MTUS1: variants seen among roughly 807,000 people sequenced by gnomAD.
MTUS1 encodes the protein microtubule associated scaffold protein 1.
MTUS1 carries 109 observed loss-of-function variants against 120.8 expected under a neutral mutation model. The observed-to-expected ratio is 0.90, with a 90% CI of 0.77 to 1.06. MTUS1 has a LOEUF of 1.06. MTUS1 is among the 50% of genes least tolerant of loss of function. The probability of loss-of-function intolerance (pLI) is 0.00; values close to 1 mark genes in which losing one functional copy is unlikely to be tolerated. For missense variants in MTUS1, 2,210 were observed against 1,486.3 expected, an observed-to-expected ratio of 1.49 and a Z score of -8.01; for synonymous variants, 737 against 550.5, an observed-to-expected ratio of 1.34 and a Z score of -4.74.
At chr8:17,676,262 C>A (rs1373453939) in intron 7 of MTUS1, 8 of 702,912 alleles carry the variant, frequency 1.1e-5, no homozygotes, top group Admixed American at 2.0e-5. Flanking sequence ...GCACTATAAA[C>A]AAATACTAAT....
At chr8:17,696,844 G>A (rs1403304982) in intron 6 of MTUS1, among the ~76,000 whole-genome samples, 3 of 152,198 alleles carry the variant, frequency 2.0e-5, no homozygotes, top group Non-Finnish European at 4.4e-5. Context: ...AAATCTGACT[G>A]AGAAACTATC....
At chr8:17,694,056 G>C (rs1817483337) in intron 6 of MTUS1, among the ~76,000 whole-genome samples, 1 of 152,190 alleles carries the variant, frequency 6.6e-6, no homozygotes, top group South Asian at 2.1e-4. Context: ...ATACAAAAGT[G>C]TTCATATTTG....
At chr8:17,780,020 G>A (rs2050749889) in intron 1 of MTUS1, among the ~76,000 whole-genome samples, 1 of 152,154 alleles carries the variant, frequency 6.6e-6, no homozygotes, top group South Asian at 2.1e-4. Flanking sequence ...ATCCCCAGTG[G>A]TTGAGGTGGG....
chr8:17,680,906 G>A (rs1380560278), intron 7 of MTUS1, among the ~76,000 whole-genome samples: 1 of 151,912 alleles, frequency 6.6e-6, no homozygotes, highest in African/African-American at 2.4e-5. Flanking sequence ...GGAATACAAG[G>A]TGGACTTGTG....
chr8:17,645,742 G>T lies in MTUS1; in HGVS notation c.*184C>A. 2 of 685,706 alleles carry T rather than the reference G, an allele frequency of 2.9e-6. No individual in the cohort carries two copies. The highest frequency in any genetic ancestry group is 4.4e-6 in the Non-Finnish European group (2 of 455,030). The allele number at this position is 685,706 out of a possible 1,614,324, so 42.5% of individuals were successfully genotyped here. ...TTTTGGAGGAATCTTTTGGACGGAG[G>T]CAAAAGTCTTCCTCCAGAGTTCCAG... is the stretch of plus-strand genomic sequence containing the variant. On this transcript the variant is annotated 3_prime_UTR_variant, in exon 15 of 15. Transcript: ENST00000693296.
chr8:17,728,809 T>C (rs1477332457), intron 3 of MTUS1, among the ~76,000 whole-genome samples: 1 of 152,116 alleles, frequency 6.6e-6, no homozygotes, highest in Non-Finnish European at 1.5e-5. Flanking sequence ...GTGAGGCTTT[T>C]TTAGCATTTA....
chr8:17,771,129 T>C lies in MTUS1; in HGVS notation c.-154-15168A>G, dbSNP rs1159944040. ...CTAATTACCTATACCAATAAGTTCT[T>C]AGGAGTGTTATATCCTTTAAACTTA... On this transcript the variant is annotated intron_variant, in intron 1 of 14. Coordinates refer to ENST00000693296, the MANE Select transcript of MTUS1 (RefSeq NM_001363059.2). Among the ~76,000 whole-genome samples the C allele has an allele frequency of 3.3e-5, 5 of 152,310 alleles. No individual in the cohort carries two copies. The East Asian group carries it at 9.6e-4, about 29-fold the overall frequency.
At chr8:17,690,536 T>C (rs891886960) in intron 6 of MTUS1, among the ~76,000 whole-genome samples, 5 of 152,214 alleles carry the variant, frequency 3.3e-5, no homozygotes, top group African/African-American at 2.4e-5. Context: ...CTGCTGGGTA[T>C]CTTCCCAAAG....
intron 1 of MTUS1, among the ~76,000 whole-genome samples, chr8:17,783,967 A>G (rs1333317405): frequency 6.6e-6 from 1 of 152,188 alleles, no homozygotes; most frequent in African/African-American, 2.4e-5. Context: ...TTTCCACTGA[A>G]AGATGGCAGA....
rs570722288 is a variant in MTUS1 at position 17,664,444 on chromosome 8, G to A, written c.2906-8379C>T. Among the ~76,000 whole-genome samples the A allele has an allele frequency of 7.9e-5, 12 of 151,652 alleles. No individual in the cohort carries two copies. In the South Asian group the frequency reaches 2.1e-3, roughly 27 times the overall value. ...CTCTGGCCAGCCTGCTGTGGGTGGC[G>A]ACTCTCCCCCACCCCACCCCGAAAT... On this transcript the variant is annotated intron_variant, in intron 8 of 14. Coordinates refer to ENST00000693296, the MANE Select transcript of MTUS1 (RefSeq NM_001363059.2).
At chr8:17,720,874 T>TATCCAAAAGTGTAATATC (rs1200916980) in intron 4 of MTUS1, among the ~76,000 whole-genome samples, 22 of 152,206 alleles carry the variant, frequency 1.4e-4, no homozygotes, top group Admixed American at 3.9e-4. Context: ...TCCAAAAGGA[T>TATCCAAAAGTGTAATATC]CAAGATCGTA....
intron 1 of MTUS1, among the ~76,000 whole-genome samples, chr8:17,766,223 T>C (rs1330330958): frequency 3.3e-5 from 5 of 152,176 alleles, no homozygotes; most frequent in Non-Finnish European, 7.4e-5. Flanking sequence ...TCAGTATCCA[T>C]GCAATTTTAA....
chr8:17,768,440 G>C (rs74356381), intron 1 of MTUS1, among the ~76,000 whole-genome samples: 2,154 of 152,082 alleles, frequency 0.014, 58 homozygotes, highest in African/African-American at 0.049. Context: ...AAACTAATTT[G>C]CTTCTTTCTA....
At chr8:17,648,848 G>C (rs369960714) in intron 13 of MTUS1, among the ~76,000 whole-genome samples, 1 of 152,210 alleles carries the variant, frequency 6.6e-6, no homozygotes, top group Non-Finnish European at 1.5e-5. Flanking sequence ...GCGGCAGCTG[G>C]ACAGTCAACA....
intron 1 of MTUS1, among the ~76,000 whole-genome samples, chr8:17,795,584 G>T (rs912620531): frequency 6.6e-6 from 1 of 151,146 alleles, no homozygotes; most frequent in African/African-American, 2.4e-5. Context: ...TTAGAATGAG[G>T]GTAAAATGTG....
chr8:17,737,308 G>T (rs2047005619), intron 3 of MTUS1, among the ~76,000 whole-genome samples: 1 of 152,160 alleles, frequency 6.6e-6, no homozygotes, highest in Non-Finnish European at 1.5e-5. Context: ...GGAGTTGTGG[G>T]AATTAAATGA....
intron 8 of MTUS1, 122 bp downstream of exon 8, chr8:17,675,064 T>C (rs2269698): frequency 0.67 from 1,027,682 of 1,528,864 alleles, 348,821 homozygotes; most frequent in East Asian, 0.79. Flanking sequence ...GCCCAGATAC[T>C]AGACAGGGAG....
intron 1 of MTUS1, among the ~76,000 whole-genome samples, chr8:17,791,264 A>G (rs2051759732): frequency 6.6e-6 from 1 of 152,228 alleles, no homozygotes; most frequent in South Asian, 2.1e-4. Context: ...AGTTCTTAAT[A>G]TCATATTTAC....
chr8:17,653,649 C>T, intron 10 of MTUS1, 151 bp from the exon 11 acceptor site: 2 of 608,076 alleles, frequency 3.3e-6, no homozygotes, highest in Non-Finnish European at 5.6e-6. Context: ...AATTGGCCAT[C>T]TGTTCTCAAA....
Sources: allele counts gnomAD v4.1 joint callset (sites outside exome capture counted in the v4.1 genomes callset), GRCh38; gene constraint gnomAD v4.1.1; transcripts MANE v1.5; gene names NCBI Gene and HGNC (gene_info 2026-07-23, HGNC 2026-07-21).